NALF1: variants seen among roughly 807,000 people sequenced by gnomAD.
NALF1 encodes the protein NALCN channel auxiliary factor 1.
A neutral mutation model predicts 48.4 loss-of-function variants in NALF1; 3 were observed. The observed-to-expected ratio is 0.06, with a 90% CI of 0.03 to 0.16. The LOEUF (loss-of-function observed/expected upper bound fraction) is 0.16. Among genes scored for constraint, NALF1 ranks in the 10% least tolerant of loss-of-function variants. NALF1 has a pLI of 1.00. For synonymous variants in NALF1, 262 were observed against 245.7 expected (o/e 1.07, Z -0.62); for missense variants, 526 against 571.5 (o/e 0.92, Z 0.81).
intron 1 of NALF1, among the ~76,000 whole-genome samples, chr13:107,320,244 G>GA (rs1276068318): frequency 3.4e-4 from 52 of 152,066 alleles, no homozygotes; most frequent in African/African-American, 1.2e-3. Context: ...AAATAAATCT[G>GA]AAAACTATGC....
intron 1 of NALF1, among the ~76,000 whole-genome samples, chr13:107,269,463 G>A (rs147089195): frequency 3.1e-4 from 47 of 152,238 alleles, no homozygotes; most frequent in Non-Finnish European, 5.7e-4. Context: ...GATTGATTGT[G>A]GAAAGGCTTT....
At chr13:107,357,591 G>A (rs79905033) in intron 1 of NALF1, among the ~76,000 whole-genome samples, 224 of 152,196 alleles carry the variant, frequency 1.5e-3, no homozygotes, top group African/African-American at 4.9e-3. Flanking sequence ...TCTAGTTGAG[G>A]GACCAGGAAA....
At chr13:107,535,393 G>A (rs1161055863) in intron 1 of NALF1, among the ~76,000 whole-genome samples, 1 of 152,072 alleles carries the variant, frequency 6.6e-6, no homozygotes, top group East Asian at 1.9e-4. Context: ...AGCATGAAGG[G>A]CTGTTGAATT....
At chr13:107,726,148 C>A (rs1344164100) in intron 1 of NALF1, among the ~76,000 whole-genome samples, 1 of 152,106 alleles carries the variant, frequency 6.6e-6, no homozygotes, top group Non-Finnish European at 1.5e-5. Flanking sequence ...TACAAAGACA[C>A]AAAAATTGAC....
intron 1 of NALF1, among the ~76,000 whole-genome samples, chr13:107,615,606 CT>C (rs2138436394): frequency 6.6e-6 from 1 of 152,274 alleles, no homozygotes; most frequent in Non-Finnish European, 1.5e-5. Context: ...AGGCCAGCCA[CT>C]TCCTCTGAAC....
chr13:107,419,709 A>G (rs566782786), intron 1 of NALF1, among the ~76,000 whole-genome samples: 209 of 152,336 alleles, frequency 1.4e-3, no homozygotes, highest in African/African-American at 4.7e-3. Flanking sequence ...TTTAATAAGC[A>G]TGATGTATGA....
intron 1 of NALF1, 96 bp from the exon 2 acceptor site, chr13:107,210,851 G>T: frequency 1.2e-6 from 1 of 813,802 alleles, no homozygotes; most frequent in Non-Finnish European, 2.0e-6. Flanking sequence ...GTGGTTTCAA[G>T]TGGATCCTAA....
intron 1 of NALF1, among the ~76,000 whole-genome samples, chr13:107,615,568 G>A (rs1057277012): frequency 2.6e-5 from 4 of 152,154 alleles, no homozygotes; most frequent in African/African-American, 9.7e-5. Context: ...TCAGAGCGAG[G>A]TCATAACCTG....
At chr13:107,459,495 A>T (rs1884881987) in intron 1 of NALF1, among the ~76,000 whole-genome samples, 1 of 152,146 alleles carries the variant, frequency 6.6e-6, no homozygotes, top group Non-Finnish European at 1.5e-5. Context: ...CTTACTGCAT[A>T]AAAACATAAG....
intron 1 of NALF1, among the ~76,000 whole-genome samples, chr13:107,348,225 TAATC>T (rs879862583): frequency 3.3e-5 from 5 of 152,208 alleles, no homozygotes; most frequent in Non-Finnish European, 7.3e-5. Context: ...AGAAAATTAA[TAATC>T]AAGTTACTGT....
At chr13:107,834,240 C>A (rs74612847) in intron 1 of NALF1, among the ~76,000 whole-genome samples, 10,447 of 152,164 alleles carry the variant, frequency 0.069, 426 homozygotes, top group East Asian at 0.15. Context: ...TGAGCATCTA[C>A]AGATTTTGGT....
At chr13:107,497,249 T>C (rs1314258469) in intron 1 of NALF1, among the ~76,000 whole-genome samples, 2 of 152,196 alleles carry the variant, frequency 1.3e-5, no homozygotes, top group East Asian at 1.9e-4. Flanking sequence ...TTTTGAGATA[T>C]ATAATTTTAG....
intron 1 of NALF1, among the ~76,000 whole-genome samples, chr13:107,373,756 T>G (rs1035102711): frequency 3.3e-5 from 5 of 152,292 alleles, no homozygotes; most frequent in Admixed American, 6.5e-5. Context: ...TCGTTTTTTT[T>G]GGGACCATGA....
intron 1 of NALF1, among the ~76,000 whole-genome samples, chr13:107,278,037 G>C (rs887504293): frequency 5.9e-5 from 9 of 152,140 alleles, no homozygotes; most frequent in African/African-American, 2.2e-4. Context: ...CTTATACAAT[G>C]ATTTAAAAAT....
rs183807762 is a variant in NALF1, at chr13:107,575,180, A to G, written c.915+290502T>C. ...GACTTAGATAAATGGGTCATTTGGT[A>G]ATAGAAGAGAGCCTTAGAACTTTGG... is the stretch of plus-strand genomic sequence containing the variant. On this transcript the variant is annotated intron_variant, in intron 1 of 2. Transcript: ENST00000375915. Among the ~76,000 whole-genome samples the G allele has an allele frequency of 8.5e-5, 13 of 152,256 alleles. 1 individual carries two copies. The highest frequency in any genetic ancestry group is 7.8e-4 in the Admixed American group (12 of 15,290).
intron 1 of NALF1, among the ~76,000 whole-genome samples, chr13:107,605,706 T>C (rs996920509): frequency 2.0e-5 from 3 of 152,248 alleles, no homozygotes; most frequent in African/African-American, 7.2e-5. Context: ...TCTTTCCATA[T>C]GGTGCTTTTC....
In NALF1 at chr13:107,463,149, T is replaced by A. The variant is rs183853439; in HGVS notation, c.916-252394A>T. ...GCGTATCTACTAATACCAGATACAGTGCTTTGTGATTTTATATAAATTATT... is the reference window on the plus strand; with the variant it reads ...GCGTATCTACTAATACCAGATACAGAGCTTTGTGATTTTATATAAATTATT... On this transcript the variant is annotated intron_variant, in intron 1 of 2. Coordinates refer to ENST00000375915, the MANE Select transcript of NALF1 (RefSeq NM_001080396.3). 7.0e-4 allele frequency among the ~76,000 whole-genome samples: 106 copies of A among 152,352 alleles called. 1 individual carries two copies. The highest frequency in any genetic ancestry group is 2.9e-3 in the Admixed American group (44 of 15,310).
chr13:107,517,388 T>C (rs1876091374), intron 1 of NALF1, among the ~76,000 whole-genome samples: 1 of 151,762 alleles, frequency 6.6e-6, no homozygotes, highest in Non-Finnish European at 1.5e-5. Flanking sequence ...TCCAGCACTT[T>C]GGGAGGCTGA....
intron 1 of NALF1, among the ~76,000 whole-genome samples, chr13:107,717,558 G>C (rs1255189220): frequency 6.6e-6 from 1 of 151,368 alleles, no homozygotes; most frequent in African/African-American, 2.4e-5. Context: ...GGAGATGTTA[G>C]GTAAAAAGCT....
Sources: allele counts gnomAD v4.1 joint callset (sites outside exome capture counted in the v4.1 genomes callset), GRCh38; gene constraint gnomAD v4.1.1; transcripts MANE v1.5; gene names NCBI Gene and HGNC (gene_info 2026-07-23, HGNC 2026-07-21).